Variants in FBXL17 observed in about 807,000 individuals in gnomAD.
FBXL17 encodes the protein F-box and leucine rich repeat protein 17, also known as F-box/LRR-repeat protein 17.
In FBXL17, 22 loss-of-function variants were observed where a neutral mutation model predicts 66.2. The ratio of observed to expected loss-of-function variants is 0.33; its 90% CI spans 0.24 to 0.47. The LOEUF (loss-of-function observed/expected upper bound fraction) is 0.47. Among genes scored for constraint, FBXL17 ranks in the 20% least tolerant of loss-of-function variants. The pLI is 1.00. For synonymous variants in FBXL17, 474 were observed against 400.5 expected (o/e 1.18, Z -2.19); for missense variants, 878 against 948.2 (o/e 0.93, Z 0.97).
At chr5:108,301,114 T>C (rs1199129500) in intron 4 of FBXL17, among the ~76,000 whole-genome samples, 1 of 151,820 alleles carries the variant, frequency 6.6e-6, no homozygotes, top group African/African-American at 2.4e-5. Context: ...GCATTTTTTA[T>C]GCCTCTGAGC....
At chr5:108,270,145 G>GT (rs1757207422) in intron 4 of FBXL17, among the ~76,000 whole-genome samples, 1 of 152,004 alleles carries the variant, frequency 6.6e-6, no homozygotes, top group South Asian at 2.1e-4. Flanking sequence ...CCCAGGAGAG[G>GT]TAAAAAGTAC....
Position 107,859,688 on chromosome 5 carries a change from C to T in FBXL17, c.*2032G>A, listed in dbSNP as rs1179970556. On this transcript the variant is annotated 3_prime_UTR_variant, in exon 9 of 9. Coordinates refer to ENST00000542267, the MANE Select transcript of FBXL17 (RefSeq NM_001163315.3). The stretch of plus-strand genomic sequence containing the variant: ...TGTAACACTCCAAAGGTTATTACAA[C>T]TTTGAACTGAAATGGTACCATCTAT... 4 of 151,898 alleles carry T rather than the reference C, an allele frequency of 2.6e-5. No homozygotes were observed. Among genetic ancestry groups the T allele is most frequent in the African/African-American group, 7.3e-5 (3 of 41,368 alleles). The allele number at this position is 151,898 out of a possible 1,614,324, so 9.4% of individuals were successfully genotyped here. A position where few individuals can be genotyped will look rare whatever the true frequency, so the allele number is the denominator to read the frequency against.
At chr5:107,879,685 G>T in intron 8 of FBXL17, 1 of 985,430 alleles carries the variant, frequency 1.0e-6, no homozygotes, top group Non-Finnish European at 1.2e-6. Context: ...GAAGATGCAT[G>T]CCCTTTGAAT....
At chr5:107,870,178 G>GA (rs2112486347) in intron 8 of FBXL17, among the ~76,000 whole-genome samples, 1 of 152,258 alleles carries the variant, frequency 6.6e-6, no homozygotes, top group Non-Finnish European at 1.5e-5. Context: ...GCCACCGACT[G>GA]AAAAGCTCCT....
chr5:107,951,686 T>A (rs1341580129), intron 7 of FBXL17, among the ~76,000 whole-genome samples: 1 of 152,224 alleles, frequency 6.6e-6, no homozygotes, highest in Admixed American at 6.5e-5. Context: ...GCCTAGGTAA[T>A]CCCAGGCAAT....
intron 6 of FBXL17, among the ~76,000 whole-genome samples, chr5:108,161,229 TC>T (rs1745504766): frequency 6.7e-6 from 1 of 150,046 alleles, no homozygotes; most frequent in Non-Finnish European, 1.5e-5. Context: ...ACACCTGTAA[TC>T]CCAGCACTTT....
At chr5:108,189,284 CATAGG>C (rs1753365129) in intron 5 of FBXL17, among the ~76,000 whole-genome samples, 1 of 104,994 alleles carries the variant, frequency 9.5e-6, no homozygotes, top group African/African-American at 3.7e-5. Flanking sequence ...TGGAAGAATT[CATAGG>C]ATGGGATGGG....
chr5:107,869,154 A>T (rs1419282293), intron 8 of FBXL17, among the ~76,000 whole-genome samples: 1 of 152,202 alleles, frequency 6.6e-6, no homozygotes, highest in Non-Finnish European at 1.5e-5. Flanking sequence ...CACTCTTCAC[A>T]GACTCCCTGG....
Position 107,915,573 on chromosome 5 carries a change from A to G in FBXL17, c.1823-34394T>C, listed in dbSNP as rs547724696. Among the ~76,000 whole-genome samples the G allele has an allele frequency of 7.2e-5, 11 of 152,324 alleles. No individual in the cohort carries two copies. The South Asian group carries it at 2.1e-3, about 29-fold the overall frequency. ...GAAAGTAATGAGATGTTTTCCCCTT[A>G]GCTTCTAAGAAATTTACAGTGAGCC... On this transcript the variant is annotated intron_variant, in intron 7 of 8. Transcript: ENST00000542267.
At chr5:108,153,191 T>C (rs1393060242) in intron 6 of FBXL17, among the ~76,000 whole-genome samples, 1 of 152,212 alleles carries the variant, frequency 6.6e-6, no homozygotes, top group Non-Finnish European at 1.5e-5. Flanking sequence ...CAGTCTTGGG[T>C]ATGTCTTTAT....
chr5:108,189,265 T>G (rs1753363979), intron 5 of FBXL17, among the ~76,000 whole-genome samples: 1 of 146,872 alleles, frequency 6.8e-6, no homozygotes, highest in African/African-American at 2.5e-5. Flanking sequence ...TACAAGCTCA[T>G]GTAGTTGCTG....
intron 1 of FBXL17, among the ~76,000 whole-genome samples, chr5:108,378,753 T>C (rs1431209585): frequency 6.6e-6 from 1 of 152,210 alleles, no homozygotes; most frequent in Non-Finnish European, 1.5e-5. Flanking sequence ...TCGTAAGTAT[T>C]TACTGAGCGC....
At chr5:108,187,872 T>G (rs953228073) in intron 5 of FBXL17, among the ~76,000 whole-genome samples, 3 of 152,152 alleles carry the variant, frequency 2.0e-5, no homozygotes, top group African/African-American at 7.2e-5. Context: ...CATGTGAGAA[T>G]TTAAGTCAGT....
intron 5 of FBXL17, among the ~76,000 whole-genome samples, chr5:108,215,489 T>C (rs1208576843): frequency 6.6e-6 from 1 of 152,240 alleles, no homozygotes; most frequent in East Asian, 1.9e-4. Context: ...GAGCAGCTTT[T>C]CATGTGCTTG....
chr5:108,267,503 T>C (rs1328834169), intron 4 of FBXL17, among the ~76,000 whole-genome samples: 1 of 152,116 alleles, frequency 6.6e-6, no homozygotes, highest in Non-Finnish European at 1.5e-5. Flanking sequence ...CTACTAGTCA[T>C]AAGTAGTGTA....
intron 4 of FBXL17, among the ~76,000 whole-genome samples, chr5:108,261,960 AT>A (rs1438801982): frequency 6.6e-6 from 1 of 152,002 alleles, no homozygotes; most frequent in African/African-American, 2.4e-5. Context: ...CTTTCTCAAG[AT>A]TCACCAAACT....
chr5:108,165,153 T>A (rs940174289), intron 6 of FBXL17, among the ~76,000 whole-genome samples: 1 of 152,206 alleles, frequency 6.6e-6, no homozygotes, highest in Non-Finnish European at 1.5e-5. Flanking sequence ...AATAAGAGAT[T>A]TGTTAAATAC....
chr5:107,904,897 G>A lies in FBXL17; in HGVS notation c.1823-23718C>T, dbSNP rs115220675. ...AATGCTGAAGAACCCCCAATTTTGC[G>A]GCAGGACCTCTGGGTCCCTCATTTC... is the stretch of plus-strand genomic sequence containing the variant. On this transcript the variant is annotated intron_variant, in intron 7 of 8. Coordinates refer to ENST00000542267, the MANE Select transcript of FBXL17 (RefSeq NM_001163315.3). Among the ~76,000 whole-genome samples, 970 of 151,986 alleles carry A rather than the reference G, an allele frequency of 6.4e-3. 12 individuals carry two copies. Among genetic ancestry groups the A allele is most frequent in the African/African-American group, 0.021 (856 of 41,470 alleles).
chr5:108,079,171 T>TA (rs1748669480), intron 6 of FBXL17, among the ~76,000 whole-genome samples: 1 of 151,302 alleles, frequency 6.6e-6, no homozygotes, highest in Non-Finnish European at 1.5e-5. Context: ...TTTTTTTTTT[T>TA]ATTAATCTGC....
Sources: gnomAD v4.1 joint callset for allele counts (sites outside exome capture counted in the v4.1 genomes callset) on GRCh38, gnomAD v4.1.1 for gene constraint, MANE v1.5 for transcripts, NCBI Gene and HGNC (gene_info 2026-07-23, HGNC 2026-07-21) for gene names.